The following WWP2 variants were observed in gnomAD, a reference collection of about 807,000 sequenced individuals.
The protein encoded by WWP2 is NEDD4-like E3 ubiquitin-protein ligase WWP2.
A neutral mutation model predicts 121.0 loss-of-function variants in WWP2; 57 were observed. The ratio of observed to expected loss-of-function variants is 0.47; its 90% CI spans 0.38 to 0.59. WWP2 has a LOEUF of 0.59. Among genes scored for constraint, WWP2 ranks in the 20% least tolerant of loss-of-function variants. The probability of loss-of-function intolerance (pLI) is 0.00; values close to 1 mark genes in which losing one functional copy is unlikely to be tolerated. For missense variants in WWP2, 962 were observed against 1,158.9 expected (o/e 0.83, Z 2.47); for synonymous variants, 449 against 441.3 (o/e 1.02, Z -0.22).
At position 69,931,833 on chromosome 16, in the gene WWP2, G is replaced by T. The variant is rs139105338; in HGVS notation, c.1625G>T (p.Arg542Leu). ...IMNMKPYDLR[R>L]RLYIIMRGEE... ...AACATGAAACCCTATGACCTGCGCC[G>T]CCGGCTCTACATCATCATGCGTGGC... The change falls in exon 16 of 24, where the codon CGC (arginine) becomes CTC (leucine). Residue 542 changes from arginine to leucine, a missense_variant. Physicochemically the swap from Arg to Leu is moderately radical, Grantham distance 102 (BLOSUM62 -2). Around this residue, in one of 3 missense-constraint regions of WWP2, gnomAD observed 606 missense variants for 772.6 expected, o/e 0.78. Coordinates refer to ENST00000359154, the MANE Select transcript of WWP2 (RefSeq NM_001270454.2). 6.2e-7 allele frequency: 1 copy of T among 1,613,600 alleles called. No homozygotes were observed. Among genetic ancestry groups the T allele is most frequent in the Admixed American group, 1.7e-5 (1 of 60,024 alleles).
At chr16:69,853,137 G>A (rs1245953404) in intron 6 of WWP2, among the ~76,000 whole-genome samples, 1 of 152,210 alleles carries the variant, frequency 6.6e-6, no homozygotes, top group Non-Finnish European at 1.5e-5. Context: ...TAGTCTAATG[G>A]ATGAATTCGG....
chr16:69,909,741 T>A, intron 9 of WWP2: 5 of 962,026 alleles, frequency 5.2e-6, no homozygotes, highest in Non-Finnish European at 3.7e-6. Flanking sequence ...AGGTTAAGTG[T>A]TTTGTTATGA....
chr16:69,838,335 C>G (rs372528208), intron 4 of WWP2, among the ~76,000 whole-genome samples: 1 of 151,646 alleles, frequency 6.6e-6, no homozygotes, highest in Non-Finnish European at 1.5e-5. Flanking sequence ...GTGAATTAAA[C>G]TCGGAGTGCC....
At chr16:69,887,166 C>A (rs963394338) in intron 7 of WWP2, among the ~76,000 whole-genome samples, 2 of 152,170 alleles carry the variant, frequency 1.3e-5, no homozygotes, top group Non-Finnish European at 2.9e-5. Flanking sequence ...GTGTGTTTCA[C>A]TTCTGTCTCA....
intron 4 of WWP2, among the ~76,000 whole-genome samples, chr16:69,809,614 A>G (rs1224352182): frequency 6.6e-6 from 1 of 152,106 alleles, no homozygotes; most frequent in Non-Finnish European, 1.5e-5. Flanking sequence ...TAAAAATACA[A>G]AAAATTAGCT....
At chr16:69,861,990 TGA>T (rs2057430432) in intron 6 of WWP2, among the ~76,000 whole-genome samples, 1 of 152,158 alleles carries the variant, frequency 6.6e-6, no homozygotes. Context: ...GATTGGAATG[TGA>T]GAGGAGTTTT....
In WWP2 at chr16:69,931,166, C is replaced by A; in HGVS notation, c.1460C>A (p.Ser487Tyr). The change falls in exon 14 of 24, where the codon TCC becomes TAC. Residue 487 changes from serine (S) to tyrosine (Y), a missense_variant. Physicochemically the swap from Ser to Tyr is moderately radical, Grantham distance 144 (BLOSUM62 -2). Transcript: ENST00000359154. ...GCTCTTCCTAGGACGAAGCAAGGTT[C>A]CCCTGGTGCTTATGACCGCAGTTTT... ...PGFESGTKQGSPGAYDRSFRW... is the reference protein window; with the variant it reads ...PGFESGTKQGYPGAYDRSFRW... The A allele has an allele frequency of 6.2e-7, 1 of 1,614,150 alleles. No homozygotes were observed. Among genetic ancestry groups the A allele is most frequent in the Non-Finnish European group, 8.5e-7 (1 of 1,180,022 alleles).
intron 7 of WWP2, among the ~76,000 whole-genome samples, chr16:69,884,395 G>A (rs1314709554): frequency 6.6e-6 from 1 of 152,166 alleles, no homozygotes; most frequent in African/African-American, 2.4e-5. Flanking sequence ...AGGCTGAGGT[G>A]GGAGGATCGC....
In WWP2 at chr16:69,797,757, C is replaced by T. The variant is rs533990449; in HGVS notation, c.71-925C>T. Among the ~76,000 whole-genome samples, 54 of 151,916 alleles carry T rather than the reference C, an allele frequency of 3.6e-4. 1 individual carries two copies. The South Asian group carries it at 0.011, about 30-fold the overall frequency. On this transcript the variant is annotated intron_variant, in intron 2 of 23. Coordinates refer to ENST00000359154, the MANE Select transcript of WWP2 (RefSeq NM_001270454.2). ...TACAAAAATTAGCCAGGCACGGTGG[C>T]GGGCGCCTGTAATCCCAGCTACTCA...
At chr16:69,809,712 G>A (rs1428508015) in intron 4 of WWP2, among the ~76,000 whole-genome samples, 2 of 152,118 alleles carry the variant, frequency 1.3e-5, no homozygotes, top group Non-Finnish European at 2.9e-5. Flanking sequence ...AGGTTGCAGT[G>A]AGCCGAGATT....
In WWP2 at chr16:69,904,689, T is replaced by C. The variant is rs370654006; in HGVS notation, c.915-4072T>C. On this transcript the variant is annotated intron_variant, in intron 8 of 23. Transcript: ENST00000359154. ...CCTGGCCCTAGTGTGCATTTTCATC[T>C]GGCCACTTTTGCCAGATCCTGCCCT... is the stretch of plus-strand genomic sequence containing the variant. 2.0e-3 allele frequency among the ~76,000 whole-genome samples: 309 copies of C among 152,276 alleles called. 3 individuals are homozygous for C. Among genetic ancestry groups the C allele is most frequent in the African/African-American group, 6.8e-3 (281 of 41,566 alleles).
intron 1 of WWP2, among the ~76,000 whole-genome samples, chr16:69,780,129 G>A (rs887324381): frequency 1.1e-4 from 16 of 152,254 alleles, no homozygotes; most frequent in African/African-American, 3.6e-4. Flanking sequence ...TCTGAACTTG[G>A]TGTGGTTCCT....
At chr16:69,923,807 G>T (rs1288877542) in intron 10 of WWP2, among the ~76,000 whole-genome samples, 1 of 152,158 alleles carries the variant, frequency 6.6e-6, no homozygotes, top group African/African-American at 2.4e-5. Context: ...TTTCTCATTT[G>T]TTCCTTTGCC....
At chr16:69,810,050 C>T (rs1244459488) in intron 4 of WWP2, among the ~76,000 whole-genome samples, 3 of 152,180 alleles carry the variant, frequency 2.0e-5, no homozygotes, top group Non-Finnish European at 4.4e-5. Flanking sequence ...GTGGCCTAGT[C>T]TTCCCGCAGC....
rs768248926 is a variant in WWP2, at chr16:69,931,147, C to T, written c.1446-5C>T. ...TGAACCCCTGAACATCTTTGCTCTTCCTAGGACGAAGCAAGGTTCCCCTGG... is the reference window on the plus strand; with the variant it reads ...TGAACCCCTGAACATCTTTGCTCTTTCTAGGACGAAGCAAGGTTCCCCTGG... On this transcript the variant is annotated splice_region_variant and splice_polypyrimidine_tract_variant and intron_variant, in intron 13 of 23. Coordinates refer to ENST00000359154, the MANE Select transcript of WWP2 (RefSeq NM_001270454.2). The T allele has an allele frequency of 1.5e-5, 25 of 1,613,932 alleles. No homozygotes were observed. In the Admixed American group the frequency reaches 3.5e-4, roughly 23 times the overall value.
intron 1 of WWP2, among the ~76,000 whole-genome samples, chr16:69,771,526 C>A (rs1295957556): frequency 6.6e-6 from 1 of 152,170 alleles, no homozygotes; most frequent in Non-Finnish European, 1.5e-5. Context: ...GGATTATAGG[C>A]ATGAGGCACA....
At chr16:69,788,915 T>C (rs1043502321) in intron 2 of WWP2, among the ~76,000 whole-genome samples, 4 of 152,180 alleles carry the variant, frequency 2.6e-5, no homozygotes, top group African/African-American at 9.7e-5. Context: ...AGAGTGGCTC[T>C]CAGTATCTGA....
chr16:69,896,892 T>A lies in WWP2; in HGVS notation c.914+8643T>A, dbSNP rs1010318031. 2.0e-5 allele frequency among the ~76,000 whole-genome samples: 3 copies of A among 152,118 alleles called. No homozygotes were observed. The East Asian group carries it at 5.8e-4, about 29-fold the overall frequency. On this transcript the variant is annotated intron_variant, in intron 8 of 23. Transcript: ENST00000359154. ...TGCAAGTGAGGAGAACTTAAGCAAT[T>A]TGCCTGGCACCACATATACAGATAC...
At chr16:69,918,298 A>G in intron 10 of WWP2, among the ~76,000 whole-genome samples, 1 of 152,288 alleles carries the variant, frequency 6.6e-6, no homozygotes, top group East Asian at 1.9e-4. Flanking sequence ...AACAAAAACA[A>G]AAACCTGCTA....
Sources: allele counts gnomAD v4.1 joint callset (sites outside exome capture counted in the v4.1 genomes callset), GRCh38; gene constraint gnomAD v4.1.1; regional missense constraint gnomAD v4.1.1; transcripts MANE v1.5; gene names NCBI Gene and HGNC (gene_info 2026-07-23, HGNC 2026-07-21).